ERC1: variants seen among roughly 807,000 people sequenced by gnomAD.
ERC1 encodes the protein ELKS/RAB6-interacting/CAST family member 1.
A neutral mutation model predicts 132.0 loss-of-function variants in ERC1; 56 were observed. That is an observed-to-expected ratio of 0.42 (90% CI 0.34 to 0.53). The LOEUF (loss-of-function observed/expected upper bound fraction) is 0.53. Among genes scored for constraint, ERC1 ranks in the 20% least tolerant of loss-of-function variants. The pLI is 0.03. For synonymous variants in ERC1, 478 were observed against 476.1 expected (o/e 1.00, Z -0.05); for missense variants, 1,202 against 1,349.9 (o/e 0.89, Z 1.72).
intron 15 of ERC1, among the ~76,000 whole-genome samples, 167 bp downstream of exon 15, chr12:1,290,179 C>G (rs187559570): frequency 6.6e-6 from 1 of 152,242 alleles, no homozygotes; most frequent in Non-Finnish European, 1.5e-5. Flanking sequence ...TGGAACAAAT[C>G]CTGATCAAAT....
At chr12:1,308,550 C>T (rs1212664382) in intron 15 of ERC1, among the ~76,000 whole-genome samples, 5 of 152,028 alleles carry the variant, frequency 3.3e-5, no homozygotes, top group East Asian at 1.9e-4. Context: ...CTAAATTTTT[C>T]GTGACTTTTA....
At chr12:1,199,888 C>T (rs1044404989) in intron 12 of ERC1, among the ~76,000 whole-genome samples, 2 of 151,716 alleles carry the variant, frequency 1.3e-5, no homozygotes, top group South Asian at 4.1e-4. Context: ...AAGATTAGCC[C>T]AAATCCTATG....
At chr12:1,479,191 G>C (rs1051230953) in intron 18 of ERC1, among the ~76,000 whole-genome samples, 1 of 152,098 alleles carries the variant, frequency 6.6e-6, no homozygotes, top group East Asian at 1.9e-4. Context: ...CTGCCGCCTT[G>C]CAGTGACAGC....
At chr12:1,059,302 T>C (rs955043687) in intron 2 of ERC1, among the ~76,000 whole-genome samples, 1 of 152,208 alleles carries the variant, frequency 6.6e-6, no homozygotes. Flanking sequence ...GACTGCCTCT[T>C]TTGCAATCTG....
intron 2 of ERC1, among the ~76,000 whole-genome samples, chr12:1,063,027 T>C (rs567050365): frequency 1.3e-4 from 20 of 152,320 alleles, no homozygotes; most frequent in African/African-American, 4.8e-4. Flanking sequence ...TTCATGCGTC[T>C]GGTTTCCATT....
At chr12:1,317,519 C>G (rs2097134434) in intron 15 of ERC1, among the ~76,000 whole-genome samples, 1 of 152,264 alleles carries the variant, frequency 6.6e-6, no homozygotes, top group South Asian at 2.1e-4. Context: ...CCTGCACGTT[C>G]TGCACGTGTA....
In ERC1 at chr12:1,110,413, C is replaced by T. The variant is rs892855546; in HGVS notation, c.1317+66C>T. ...AAAAATTGATGCATATTTTTTACTT[C>T]TCTAGTGATGATAAAGCCGTATTTT... On this transcript the variant is annotated intron_variant, in intron 5 of 18. Transcript: ENST00000360905. 4.5e-6 allele frequency: 6 copies of T among 1,341,028 alleles called. No individual in the cohort carries two copies. In the African/African-American group the frequency reaches 7.4e-5, roughly 16 times the overall value. The allele number at this position is 1,341,028 out of a possible 1,614,324, so 83.1% of individuals were successfully genotyped here. A position where few individuals can be genotyped will look rare whatever the true frequency, so the allele number is the denominator to read the frequency against.
intron 12 of ERC1, among the ~76,000 whole-genome samples, chr12:1,203,313 C>G (rs1203808384): frequency 6.6e-6 from 1 of 152,222 alleles, no homozygotes; most frequent in African/African-American, 2.4e-5. Flanking sequence ...TTGCCTCGGC[C>G]TCCCAAAGTG....
chr12:1,169,989 G>C (rs1952875658), intron 8 of ERC1, among the ~76,000 whole-genome samples: 1 of 152,120 alleles, frequency 6.6e-6, no homozygotes. Flanking sequence ...AGATTTCTTG[G>C]ACTGTATTTA....
chr12:1,301,099 A>G (rs1206998710), intron 15 of ERC1, among the ~76,000 whole-genome samples: 1 of 152,122 alleles, frequency 6.6e-6, no homozygotes, highest in African/African-American at 2.4e-5. Context: ...GTTAAAAACC[A>G]AAAGCCTTAT....
At chr12:1,119,259 T>TTTTG (rs1566005225) in intron 7 of ERC1, among the ~76,000 whole-genome samples, 1 of 81,212 alleles carries the variant, frequency 1.2e-5, no homozygotes, top group Non-Finnish European at 2.6e-5. Flanking sequence ...TTTTGTTTTG[T>TTTTG]TTTTTTTGTT....
chr12:1,342,964 TAATG>T (rs756913463), intron 15 of ERC1, among the ~76,000 whole-genome samples: 3 of 152,176 alleles, frequency 2.0e-5, no homozygotes, highest in Non-Finnish European at 4.4e-5. Flanking sequence ...TAAACACACT[TAATG>T]AAATAAATAC....
intron 3 of ERC1, among the ~76,000 whole-genome samples, chr12:1,092,427 G>A (rs754777600): frequency 3.3e-5 from 5 of 152,278 alleles, no homozygotes; most frequent in Admixed American, 6.5e-5. Flanking sequence ...TTGTTTGCCC[G>A]TGTATTCACA....
chr12:1,028,146 T>C lies in ERC1; in HGVS notation c.243T>C (p.Gly81=). The change falls in exon 2 of 19, where the codon GGT becomes GGC. Residue 81 remains glycine, a synonymous_variant. Transcript: ENST00000360905. ...ATCTAAGTGACCATGAAAATGTGGG[T>C]TCAGAAACACCTAAAAGCACCATGA... The part of the protein sequence containing the change: ...PMYLSDHENV[G]SETPKSTMTL... 1 of 1,614,160 alleles carries C rather than the reference T, an allele frequency of 6.2e-7. No individual in the cohort carries two copies. Among genetic ancestry groups the C allele is most frequent in the African/African-American group, 1.3e-5 (1 of 75,028 alleles).
intron 1 of ERC1, among the ~76,000 whole-genome samples, chr12:1,008,207 TAG>T (rs1964060981): frequency 6.6e-6 from 1 of 152,200 alleles, no homozygotes; most frequent in South Asian, 2.1e-4. Context: ...GGCACTGAGC[TAG>T]AGAGATGGTG....
At chr12:1,349,353 G>A (rs1321815185) in intron 15 of ERC1, among the ~76,000 whole-genome samples, 1 of 152,116 alleles carries the variant, frequency 6.6e-6, no homozygotes, top group African/African-American at 2.4e-5. Flanking sequence ...AAAAGTGTTC[G>A]AGATCTTGGC....
intron 16 of ERC1, among the ~76,000 whole-genome samples, chr12:1,374,487 TA>T (rs1476469987): frequency 6.6e-6 from 1 of 151,752 alleles, no homozygotes; most frequent in East Asian, 1.9e-4. Flanking sequence ...GTGAAAAAAA[TA>T]AACTAAGGCT....
chr12:1,292,013 G>A (rs1186800232), intron 15 of ERC1, among the ~76,000 whole-genome samples: 2 of 152,084 alleles, frequency 1.3e-5, no homozygotes, highest in Non-Finnish European at 2.9e-5. Context: ...GGGAGCAGGG[G>A]AAAAATAATA....
At chr12:1,185,423 A>C (rs998924518) in intron 11 of ERC1, among the ~76,000 whole-genome samples, 1 of 141,410 alleles carries the variant, frequency 7.1e-6, no homozygotes, top group Admixed American at 7.2e-5. Context: ...TTTTTTATTG[A>C]AGGTTTTTTT....
Sources: gnomAD v4.1 joint callset for allele counts (sites outside exome capture counted in the v4.1 genomes callset) on GRCh38, gnomAD v4.1.1 for gene constraint, MANE v1.5 for transcripts, NCBI Gene and HGNC (gene_info 2026-07-23, HGNC 2026-07-21) for gene names.